Variants in PGAP3 observed in about 807,000 individuals in gnomAD.
PGAP3 encodes GPI-specific phospholipase A2-like PGAP3.
In PGAP3, 31 loss-of-function variants were observed where a neutral mutation model predicts 40.3. The ratio of observed to expected loss-of-function variants is 0.77; its 90% CI spans 0.58 to 1.04. PGAP3 has a LOEUF of 1.04. Ranked by LOEUF, PGAP3 falls within the 50% of genes least tolerant of loss-of-function variation. The pLI, the probability that PGAP3 is intolerant of heterozygous loss-of-function variation, is 0.00. For synonymous variants in PGAP3, 191 were observed against 184.5 expected (o/e 1.04, Z -0.29); for missense variants, 413 against 423.0 (o/e 0.98, Z 0.21).
intron 1 of PGAP3, among the ~76,000 whole-genome samples, 188 bp from the exon 2 acceptor site, chr17:39,686,207 G>A (rs1215169835): frequency 6.6e-6 from 1 of 152,198 alleles, no homozygotes; most frequent in Non-Finnish European, 1.5e-5. Context: ...AGGGGAAGGT[G>A]TATGTACGTA....
rs1265526071 is a variant in PGAP3 at position 39,673,239 on chromosome 17, C to T, written c.711G>A (p.Val237=). The T allele has an allele frequency of 3.8e-6, 6 of 1,560,864 alleles. No homozygotes were observed. The Admixed American group carries it at 1.2e-4, about 30-fold the overall frequency. The change falls in exon 7 of 8, where the codon GTG becomes GTA. Residue 237 remains valine (V), a synonymous_variant. Coordinates refer to ENST00000300658, the MANE Select transcript of PGAP3 (RefSeq NM_033419.5). ...TCCACAGGCACCAGGCCAGCCACCACACCACGTTGACCAGGCCTGGGTGCC... is the reference window on the plus strand; with the variant it reads ...TCCACAGGCACCAGGCCAGCCACCATACCACGTTGACCAGGCCTGGGTGCC... ...ANVAIGLVNV[V]WWLAWCLWNQ...
chr17:39,685,851 G>A (rs755081528), intron 2 of PGAP3, 71 bp downstream of exon 2: 12 of 1,385,572 alleles, frequency 8.7e-6, no homozygotes, highest in Non-Finnish European at 1.2e-5. Flanking sequence ...CTTGGACAGT[G>A]TGGTCCAACC....
chr17:39,684,209 C>G (rs911876594), intron 3 of PGAP3, among the ~76,000 whole-genome samples: 1 of 149,190 alleles, frequency 6.7e-6, no homozygotes, highest in African/African-American at 2.5e-5. Context: ...CAGGCCTGGG[C>G]TGGAATTGAG....
At chr17:39,683,627 C>T (rs980827094) in intron 3 of PGAP3, among the ~76,000 whole-genome samples, 9 of 152,304 alleles carry the variant, frequency 5.9e-5, no homozygotes, top group African/African-American at 1.7e-4. Flanking sequence ...GGGGCAGCTC[C>T]GACCTAGAGA....
intron 3 of PGAP3, 86 bp from the exon 4 acceptor site, chr17:39,674,765 T>C (rs2057354745): frequency 1.5e-6 from 2 of 1,327,232 alleles, no homozygotes; most frequent in Non-Finnish European, 2.1e-6. Context: ...CATTTCACCT[T>C]TGGGAAGGGG....
Position 39,684,638 on chromosome 17 carries a change from C to T in PGAP3, c.391G>A (p.Ala131Thr). Residue 131 changes from alanine to threonine, a missense_variant, in exon 3 of 8, where the codon GCC becomes ACC. Transcript: ENST00000300658. ...MLCRYRTFVP[A>T]SSPMYHTCVA... ...CAGGTGTGGTACATGGGGGAGGAGG[C>T]TGGCACGAAGGTGCGGTAGCGGCAG... 6.2e-7 allele frequency: 1 copy of T among 1,614,054 alleles called. No homozygotes were observed.
At position 39,672,534 on chromosome 17, in the gene PGAP3, G is replaced by A. The variant is rs907087; in HGVS notation, c.*269C>T. On this transcript the variant is annotated 3_prime_UTR_variant, in exon 8 of 8. Transcript: ENST00000300658. ...AGCTGTCCTCCCGGTAGAGCTAAGA[G>A]CACACTCAGTTCCACCCCAGTTCAG... 0.68 allele frequency: 370,279 copies of A among 544,726 alleles called. 127,690 individuals are homozygous for A. The highest frequency in any genetic ancestry group is 0.76 in the South Asian group (36,309 of 47,512). 33.7% of individuals were successfully genotyped at this position (544,726 alleles called of 1,614,324 possible).
rs1046510113 is a variant in PGAP3 at position 39,674,781 on chromosome 17, C to T, written c.433-102G>A. ...ATTTCACCTTTGGGAAGGGGCTCTG[C>T]AGGACAAGAAATGTGCTTTTCCTGC... On this transcript the variant is annotated intron_variant, in intron 3 of 7. Coordinates refer to ENST00000300658, the MANE Select transcript of PGAP3 (RefSeq NM_033419.5). 22 of 1,206,032 alleles carry T rather than the reference C, an allele frequency of 1.8e-5. No homozygotes were observed. In the Admixed American group the frequency reaches 2.1e-4, roughly 11 times the overall value. The allele number at this position is 1,206,032 out of a possible 1,614,324, so 74.7% of individuals were successfully genotyped here.
At position 39,687,854 on chromosome 17, in the gene PGAP3, G is replaced by A; in HGVS notation, c.161C>T (p.Pro54Leu). 6.7e-7 allele frequency: 1 copy of A among 1,496,126 alleles called. No individual in the cohort carries two copies. The highest frequency in any genetic ancestry group is 1.3e-5 in the South Asian group (1 of 79,032). The allele number at this position is 1,496,126 out of a possible 1,614,324, so 92.7% of individuals were successfully genotyped here. A position where few individuals can be genotyped will look rare whatever the true frequency, so the allele number is the denominator to read the frequency against. The change falls in exon 1 of 8, where the codon CCA becomes CTA. Residue 54 changes from proline to leucine, a missense_variant. By Grantham distance (98) the Pro-to-Leu change is moderately conservative. Transcript: ENST00000300658. Reference protein sequence around the residue: ...GALNHFRSRQPIYMSLAGWTC... With the variant: ...GALNHFRSRQLIYMSLAGWTC... ...CTTACCTGCTAGACTCATGTAGATT[G>A]GCTGGCGGGAGCGGAAGTGATTCAG...
intron 1 of PGAP3, among the ~76,000 whole-genome samples, chr17:39,687,580 A>T (rs1333116810): frequency 6.6e-6 from 1 of 152,176 alleles, no homozygotes; most frequent in Admixed American, 6.5e-5. Context: ...CCCTGGTCTG[A>T]TTTCTGTGCC....
In PGAP3 at chr17:39,674,057, G is replaced by C; in HGVS notation, c.496-3C>G. 2 of 1,613,622 alleles carry C rather than the reference G, an allele frequency of 1.2e-6. No homozygotes were observed. The highest frequency in any genetic ancestry group is 1.7e-6 in the Non-Finnish European group (2 of 1,179,604). Reference sequence around the variant, plus strand: ...GAGGCACAGAAGTAGTCCATTTTCTGAGGACAGGGAAGGGTGGTGAGGGAC... The same window carrying C: ...GAGGCACAGAAGTAGTCCATTTTCTCAGGACAGGGAAGGGTGGTGAGGGAC... On this transcript the variant is annotated splice_region_variant and splice_polypyrimidine_tract_variant and intron_variant, in intron 4 of 7. Coordinates refer to ENST00000300658, the MANE Select transcript of PGAP3 (RefSeq NM_033419.5).
In PGAP3 at chr17:39,687,918, C is replaced by G; in HGVS notation, c.97G>C (p.Val33Leu). 6.6e-7 allele frequency: 1 copy of G among 1,510,728 alleles called. No individual in the cohort carries two copies. The highest frequency in any genetic ancestry group is 8.9e-7 in the Non-Finnish European group (1 of 1,119,346). The allele number at this position is 1,510,728 out of a possible 1,614,324, so 93.6% of individuals were successfully genotyped here. Reference protein sequence around the residue: ...GDREPVYRDCVLQCEEQNCSG... With the variant: ...GDREPVYRDCLLQCEEQNCSG... ...CAGTTCTGCTCTTCGCACTGCAGTA[C>G]GCAGTCGCGGTACACCGGCTCACGG... The change falls in exon 1 of 8, where the codon GTA becomes CTA. Residue 33 changes from valine (V) to leucine (L), a missense_variant. Coordinates refer to ENST00000300658, the MANE Select transcript of PGAP3 (RefSeq NM_033419.5).
At chr17:39,678,827 T>C (rs2057405777) in intron 3 of PGAP3, among the ~76,000 whole-genome samples, 1 of 152,134 alleles carries the variant, frequency 6.6e-6, no homozygotes, top group Non-Finnish European at 1.5e-5. Context: ...TGAGGCTTTG[T>C]TTCTTGAAGG....
At chr17:39,674,512 G>A (rs1323082165) in intron 4 of PGAP3, 105 bp downstream of exon 4, 5 of 1,258,498 alleles carry the variant, frequency 4.0e-6, no homozygotes, top group Non-Finnish European at 5.5e-6. Flanking sequence ...ACTCCTCCCA[G>A]TGCTCCTCAG....
intron 3 of PGAP3, among the ~76,000 whole-genome samples, chr17:39,681,176 T>C (rs1411024824): frequency 1.3e-5 from 2 of 152,182 alleles, no homozygotes; most frequent in Non-Finnish European, 2.9e-5. Flanking sequence ...TCCATCACTG[T>C]CTTATAAGCA....
Position 39,688,035 on chromosome 17 carries a change from C to T in PGAP3, c.-21G>A, listed in dbSNP as rs1162451905. 1 of 1,372,018 alleles carries T rather than the reference C, an allele frequency of 7.3e-7. No homozygotes were observed. Among genetic ancestry groups the T allele is most frequent in the Non-Finnish European group, 9.6e-7 (1 of 1,046,500 alleles). 85.0% of individuals were successfully genotyped at this position (1,372,018 alleles called of 1,614,324 possible). A position where few individuals can be genotyped will look rare whatever the true frequency, so the allele number is the denominator to read the frequency against. On this transcript the variant is annotated 5_prime_UTR_variant, in exon 1 of 8. Coordinates refer to ENST00000300658, the MANE Select transcript of PGAP3 (RefSeq NM_033419.5). ...GCCATCCTTTCTCCCTGGCTCGCCGCCGGGGGAGGAGCTTAGGAGTATGAA... is the reference window on the plus strand; with the variant it reads ...GCCATCCTTTCTCCCTGGCTCGCCGTCGGGGGAGGAGCTTAGGAGTATGAA...
chr17:39,681,629 C>T (rs2057441500), intron 3 of PGAP3, among the ~76,000 whole-genome samples: 1 of 152,170 alleles, frequency 6.6e-6, no homozygotes. Flanking sequence ...CTGCCTCAGC[C>T]TCCCAAGTAT....
chr17:39,680,011 G>A (rs372963203), intron 3 of PGAP3, among the ~76,000 whole-genome samples: 1 of 152,098 alleles, frequency 6.6e-6, no homozygotes, highest in African/African-American at 2.4e-5. Context: ...GCTCTCTACC[G>A]GAGCACCCCT....
rs1355216067 is a variant in PGAP3, at chr17:39,674,677, C to T, written c.435G>A (p.Val145=). ...MYHTCVAFAW[V]SLNAWFWSTV... ...TGGACCAGAACCATGCATTGAGGGACACCTAAGGAGGGAGGGGCTGGTGAG... is the reference window on the plus strand; with the variant it reads ...TGGACCAGAACCATGCATTGAGGGATACCTAAGGAGGGAGGGGCTGGTGAG... The change falls in exon 4 of 8, where the codon GTG becomes GTA. Residue 145 remains valine (V), a splice_region_variant and synonymous_variant. Coordinates refer to ENST00000300658, the MANE Select transcript of PGAP3 (RefSeq NM_033419.5). The T allele has an allele frequency of 1.3e-6, 2 of 1,551,000 alleles. No homozygotes were observed. The highest frequency in any genetic ancestry group is 3.9e-5 in the Admixed American group (2 of 50,970).
Sources: gnomAD v4.1 joint callset for allele counts (sites outside exome capture counted in the v4.1 genomes callset) on GRCh38, gnomAD v4.1.1 for gene constraint, MANE v1.5 for transcripts, NCBI Gene and HGNC (gene_info 2026-07-23, HGNC 2026-07-21) for gene names.